The following UBXN7 variants were observed in gnomAD, a reference collection of about 807,000 sequenced individuals.
UBXN7 encodes the protein UBX domain protein 7.
A neutral mutation model predicts 58.0 loss-of-function variants in UBXN7; 9 were observed. That is an observed-to-expected ratio of 0.16 (90% CI 0.09 to 0.27). The LOEUF (loss-of-function observed/expected upper bound fraction) is 0.27, where lower values mean the gene tolerates loss of function less well. UBXN7 is among the 10% of genes least tolerant of loss of function. The probability of loss-of-function intolerance (pLI) is 1.00; values close to 1 mark genes in which losing one functional copy is unlikely to be tolerated. For missense variants in UBXN7, 328 were observed against 599.6 expected (o/e 0.55, Z 4.73); for synonymous variants, 208 against 205.0 (o/e 1.01, Z -0.12).
intron 5 of UBXN7, among the ~76,000 whole-genome samples, chr3:196,372,799 A>C (rs1728881491): frequency 6.6e-6 from 1 of 152,066 alleles, no homozygotes; most frequent in African/African-American, 2.4e-5. Flanking sequence ...AAGTCGGAGA[A>C]CAATGGCACG....
Position 196,368,141 on chromosome 3 carries a change from C to G in UBXN7, c.721G>C (p.Glu241Gln). The G allele has an allele frequency of 6.2e-7, 1 of 1,613,746 alleles. No individual in the cohort carries two copies. Among genetic ancestry groups the G allele is most frequent in the African/African-American group, 1.3e-5 (1 of 75,034 alleles). The change falls in exon 8 of 11, where the codon GAA becomes CAA. Residue 241 changes from glutamate to glutamine, a missense_variant. This residue lies in a region of UBXN7 where 126 missense variants were observed against 302.6 expected (regional missense o/e 0.42). Transcript: ENST00000296328. ...GAAGATACATCTAACTGGTGCCATT[C>G]TACTAGCTTCTGACCTAAGGATTAA... ...LDPRTGQKLVEWHQLDVSSFL... is the reference protein window; with the variant it reads ...LDPRTGQKLVQWHQLDVSSFL...
intron 1 of UBXN7, among the ~76,000 whole-genome samples, chr3:196,421,817 A>G (rs529465881): frequency 6.6e-5 from 10 of 152,148 alleles, no homozygotes; most frequent in African/African-American, 2.2e-4. Flanking sequence ...AAGTTATTAC[A>G]TGAAAAATGC....
intron 3 of UBXN7, among the ~76,000 whole-genome samples, chr3:196,401,681 C>A (rs1729988622): frequency 6.7e-6 from 1 of 148,292 alleles, no homozygotes; most frequent in Non-Finnish European, 1.5e-5. Context: ...GTAATCCCAG[C>A]ACTTTGGGAG....
Position 196,355,214 on chromosome 3 carries a change from G to T in UBXN7, c.*1471C>A, listed in dbSNP as rs950088436. ...ATCTAAATCCTCAACTGACAAAAAGGTCCATTTAATATTTTTCATTTTACA... is the reference window on the plus strand; with the variant it reads ...ATCTAAATCCTCAACTGACAAAAAGTTCCATTTAATATTTTTCATTTTACA... On this transcript the variant is annotated 3_prime_UTR_variant, in exon 11 of 11. Transcript: ENST00000296328. 1 of 152,074 alleles carries T rather than the reference G, an allele frequency of 6.6e-6. No individual in the cohort carries two copies. Among genetic ancestry groups the T allele is most frequent in the African/African-American group, 2.4e-5 (1 of 41,400 alleles). 9.4% of individuals were successfully genotyped at this position (152,074 alleles called of 1,614,324 possible).
chr3:196,390,190 T>C (rs906724243), intron 5 of UBXN7, among the ~76,000 whole-genome samples: 1 of 151,062 alleles, frequency 6.6e-6, no homozygotes, highest in African/African-American at 2.4e-5. Context: ...CTGCACTCCA[T>C]CCCAGGTGAC....
chr3:196,391,923 G>A lies in UBXN7; in HGVS notation c.358C>T (p.Arg120Trp). ...CCATTTCTTAATTCTTGTTCTTGCC[G>A]AACTATAATACAGAAGGATGAAAGT... ...GFRDFQTETI[R>W]QEQELRNGGA... Residue 120 changes from arginine (R) to tryptophan (W), a missense_variant and splice_region_variant, in exon 5 of 11, where the codon CGG (arginine) becomes TGG (tryptophan). Around this residue, in one of 4 missense-constraint regions of UBXN7, gnomAD observed 126 missense variants for 302.6 expected, o/e 0.42. Transcript: ENST00000296328. 1.4e-6 allele frequency: 2 copies of A among 1,476,254 alleles called. No individual in the cohort carries two copies. The highest frequency in any genetic ancestry group is 1.5e-5 in the African/African-American group (1 of 66,784). 91.4% of individuals were successfully genotyped at this position (1,476,254 alleles called of 1,614,324 possible). A position where few individuals can be genotyped will look rare whatever the true frequency, so the allele number is the denominator to read the frequency against.
intron 1 of UBXN7, among the ~76,000 whole-genome samples, chr3:196,417,724 T>TAAAA (rs749981900): frequency 9.5e-5 from 3 of 31,646 alleles, no homozygotes; most frequent in African/African-American, 2.5e-4. Context: ...GCAAAATGGT[T>TAAAA]AAAAAAAAAA....
At chr3:196,381,572 G>T (rs567161841) in intron 5 of UBXN7, among the ~76,000 whole-genome samples, 60 of 152,302 alleles carry the variant, frequency 3.9e-4, no homozygotes, top group African/African-American at 1.1e-3. Context: ...AAATCAGAGC[G>T]CCTCTTCTCC....
chr3:196,397,823 T>A (rs1255989946), intron 3 of UBXN7: 1 of 152,222 alleles, frequency 6.6e-6, no homozygotes, highest in Non-Finnish European at 1.5e-5. Context: ...GATATTCCTC[T>A]TTAACAGTAC....
chr3:196,423,162 T>TCAC (rs1730739454), intron 1 of UBXN7, among the ~76,000 whole-genome samples: 2 of 152,228 alleles, frequency 1.3e-5, no homozygotes, highest in Non-Finnish European at 2.9e-5. Context: ...GCGGGGCCAG[T>TCAC]CACCACCTGG....
intron 1 of UBXN7, among the ~76,000 whole-genome samples, chr3:196,425,247 C>T (rs1367827852): frequency 6.6e-6 from 1 of 152,096 alleles, no homozygotes; most frequent in Non-Finnish European, 1.5e-5. Context: ...CTGATTTCTT[C>T]CCATACCTTT....
At chr3:196,371,287 T>C (rs899960839) in intron 6 of UBXN7, among the ~76,000 whole-genome samples, 4 of 152,304 alleles carry the variant, frequency 2.6e-5, no homozygotes, top group East Asian at 1.9e-4. Flanking sequence ...ACAAACCATA[T>C]CTTGAAGACT....
intron 1 of UBXN7, among the ~76,000 whole-genome samples, chr3:196,426,847 CAA>C (rs879857963): frequency 2.0e-4 from 20 of 100,622 alleles, no homozygotes; most frequent in Admixed American, 3.3e-4. Context: ...GACTCTGTCT[CAA>C]AAAAAAAAAA....
intron 8 of UBXN7, 72 bp downstream of exon 8, chr3:196,367,956 C>G: frequency 8.4e-6 from 13 of 1,555,522 alleles, no homozygotes; most frequent in Non-Finnish European, 1.1e-5. Flanking sequence ...ATCTTAACAT[C>G]GAACATTTTA....
intron 10 of UBXN7, among the ~76,000 whole-genome samples, chr3:196,358,935 A>AC (rs984486143): frequency 9.2e-5 from 14 of 151,766 alleles, no homozygotes; most frequent in Admixed American, 3.3e-4. Context: ...TGCTGGGATT[A>AC]CAGGAGTGAG....
intron 5 of UBXN7, among the ~76,000 whole-genome samples, chr3:196,380,796 A>G (rs1729183523): frequency 6.6e-6 from 1 of 152,234 alleles, no homozygotes; most frequent in African/African-American, 2.4e-5. Flanking sequence ...ATTTTTCCCA[A>G]GGTCTTAGCA....
intron 3 of UBXN7, among the ~76,000 whole-genome samples, chr3:196,398,115 T>C (rs1199396694): frequency 2.6e-5 from 4 of 152,202 alleles, no homozygotes; most frequent in Non-Finnish European, 5.9e-5. Context: ...CTGCCCTCTC[T>C]GGCTCTCTCA....
In UBXN7 at chr3:196,354,085, T is replaced by C. The variant is rs1728281998; in HGVS notation, c.*2600A>G. 3 of 152,170 alleles carry C rather than the reference T, an allele frequency of 2.0e-5. No individual in the cohort carries two copies. The highest frequency in any genetic ancestry group is 7.2e-5 in the African/African-American group (3 of 41,436). The allele number at this position is 152,170 out of a possible 1,614,324, so 9.4% of individuals were successfully genotyped here. On this transcript the variant is annotated 3_prime_UTR_variant, in exon 11 of 11. Transcript: ENST00000296328. ...CAATACTCCTTATGGATTCTTCCCA[T>C]GTACAATCCGTAACTCTTCCCATGG...
intron 5 of UBXN7, among the ~76,000 whole-genome samples, chr3:196,390,127 G>C (rs894549554): frequency 6.6e-6 from 1 of 151,996 alleles, no homozygotes; most frequent in African/African-American, 2.4e-5. Flanking sequence ...GTTAAGACCA[G>C]GGGATCAATT....
Sources: allele counts gnomAD v4.1 joint callset (sites outside exome capture counted in the v4.1 genomes callset), GRCh38; gene constraint gnomAD v4.1.1; regional missense constraint gnomAD v4.1.1; transcripts MANE v1.5; gene names NCBI Gene and HGNC (gene_info 2026-07-23, HGNC 2026-07-21).